The following PRRC2B variants were observed in gnomAD, a reference collection of about 807,000 sequenced individuals.
The protein encoded by PRRC2B is proline rich coiled-coil 2B.
In PRRC2B, 68 loss-of-function variants were observed where a neutral mutation model predicts 242.3. That is an observed-to-expected ratio of 0.28 (90% CI 0.23 to 0.34). The LOEUF (loss-of-function observed/expected upper bound fraction) is 0.34, where lower values mean the gene tolerates loss of function less well. Among genes scored for constraint, PRRC2B ranks in the 10% least tolerant of loss-of-function variants. PRRC2B has a pLI of 1.00. For missense variants in PRRC2B, 2,835 were observed against 2,954.8 expected (o/e 0.96, Z 0.94); for synonymous variants, 1,228 against 1,173.6 (o/e 1.05, Z -0.95).
intron 1 of PRRC2B, among the ~76,000 whole-genome samples, chr9:131,416,022 T>G (rs1215489947): frequency 6.6e-6 from 1 of 152,166 alleles, no homozygotes; most frequent in Non-Finnish European, 1.5e-5. Context: ...CCTTTGATTT[T>G]GGGGGTAGGA....
intron 12 of PRRC2B, among the ~76,000 whole-genome samples, chr9:131,466,909 CTCCT>C (rs1943411980): frequency 6.6e-6 from 1 of 151,938 alleles, no homozygotes; most frequent in Admixed American, 6.6e-5. Context: ...TCATGCCATT[CTCCT>C]GCCTCAGCCT....
At chr9:131,404,436 G>A (rs1212601456) in intron 1 of PRRC2B, among the ~76,000 whole-genome samples, 1 of 151,964 alleles carries the variant, frequency 6.6e-6, no homozygotes, top group Non-Finnish European at 1.5e-5. Flanking sequence ...TGGCCAGGCT[G>A]GTCTCGAACT....
Position 131,474,522 on chromosome 9 carries a change from A to G in PRRC2B, c.2393A>G (p.Glu798Gly). ...GGVSAQRDLF[E>G]ERGEEYLSAF... ...GTAAGTGCTCAGCGCGATCTCTTTGAGGAGAGAGGGGAGGAGTACTTGAGT... is the reference window on the plus strand; with the variant it reads ...GTAAGTGCTCAGCGCGATCTCTTTGGGGAGAGAGGGGAGGAGTACTTGAGT... The change falls in exon 16 of 32, where the codon GAG (glutamate) becomes GGG (glycine). Residue 798 changes from glutamate to glycine, a missense_variant. Transcript: ENST00000683519. 1 of 1,613,902 alleles carries G rather than the reference A, an allele frequency of 6.2e-7. No homozygotes were observed.
Position 131,380,027 on chromosome 9 carries a change from C to G in PRRC2B, c.-56+6296C>G, listed in dbSNP as rs149944198. On this transcript the variant is annotated intron_variant, in intron 1 of 1. Transcript: ENST00000682525. Reference sequence around the variant, plus strand: ...TTTTTTTTTGAGATGGAATCTCACTCTGTCGCCCAGGCTGGAGTGCAGTGG... The same window carrying G: ...TTTTTTTTTGAGATGGAATCTCACTGTGTCGCCCAGGCTGGAGTGCAGTGG... Among the ~76,000 whole-genome samples the G allele has an allele frequency of 1.7e-3, 244 of 146,996 alleles. 8 individuals are homozygous for G. The East Asian group carries it at 0.045, about 27-fold the overall frequency.
chr9:131,479,801 CCTTTT>C (rs374213036), intron 19 of PRRC2B, among the ~76,000 whole-genome samples: 232 of 152,210 alleles, frequency 1.5e-3, no homozygotes, highest in African/African-American at 5.5e-3. Context: ...TGCTGTGCAC[CCTTTT>C]CTTAACATGG....
At position 131,479,497 on chromosome 9, in the gene PRRC2B, A is replaced by C; in HGVS notation, c.4900+104A>C. ...GCTTTTGAGCTACGAATATAGATGG[A>C]ATACAGATGGAGTACCTGTTTGCTG... On this transcript the variant is annotated intron_variant, in intron 19 of 31. Transcript: ENST00000683519. The C allele has an allele frequency of 4.5e-6, 5 of 1,117,672 alleles. No individual in the cohort carries two copies. The South Asian group carries it at 7.6e-5, about 17-fold the overall frequency. The allele number at this position is 1,117,672 out of a possible 1,614,324, so 69.2% of individuals were successfully genotyped here. A position where few individuals can be genotyped will look rare whatever the true frequency, so the allele number is the denominator to read the frequency against.
Position 131,455,205 on chromosome 9 carries a change from C to G in PRRC2B, c.1211+39C>G, listed in dbSNP as rs560609566. On this transcript the variant is annotated intron_variant, in intron 10 of 31. Coordinates refer to ENST00000683519, the MANE Select transcript of PRRC2B (RefSeq NM_013318.4). ...CCTGCCCTATCAGCATGAGTGCATC[C>G]CTGCTTAGTGTTGTTGTGTACCCAG... The G allele has an allele frequency of 4.2e-5, 59 of 1,399,672 alleles. 1 individual carries two copies. The highest frequency in any genetic ancestry group is 3.5e-4 in the African/African-American group (25 of 70,592). The allele number at this position is 1,399,672 out of a possible 1,614,324, so 86.7% of individuals were successfully genotyped here. A position where few individuals can be genotyped will look rare whatever the true frequency, so the allele number is the denominator to read the frequency against.
chr9:131,456,704 G>A (rs771913279), intron 10 of PRRC2B, among the ~76,000 whole-genome samples: 2 of 152,098 alleles, frequency 1.3e-5, no homozygotes, highest in Non-Finnish European at 2.9e-5. Flanking sequence ...TACTCAGGAG[G>A]CTGAGGTGGG....
intron 1 of PRRC2B, among the ~76,000 whole-genome samples, chr9:131,378,287 C>T (rs997826448): frequency 6.4e-5 from 9 of 140,996 alleles, no homozygotes; most frequent in South Asian, 2.2e-4. Context: ...CCAGCCCGGA[C>T]GACAAGAGTG....
intron 9 of PRRC2B, among the ~76,000 whole-genome samples, chr9:131,451,304 C>G (rs933120118): frequency 6.6e-6 from 1 of 151,948 alleles, no homozygotes; most frequent in African/African-American, 2.4e-5. Context: ...GAGGCGGAGG[C>G]AGGAGAATTG....
chr9:131,421,763 G>T (rs894146392), intron 1 of PRRC2B, among the ~76,000 whole-genome samples: 8 of 152,230 alleles, frequency 5.3e-5, no homozygotes, highest in African/African-American at 1.9e-4. Context: ...GAATCTGGCT[G>T]TTGGTGGCAT....
intron 11 of PRRC2B, among the ~76,000 whole-genome samples, chr9:131,461,854 T>G (rs914530625): frequency 1.2e-4 from 18 of 152,228 alleles, no homozygotes; most frequent in African/African-American, 4.3e-4. Context: ...AGGGCTTCTA[T>G]TCCACATTCT....
chr9:131,495,891 C>T lies in PRRC2B; in HGVS notation c.*17C>T. 6.3e-7 allele frequency: 1 copy of T among 1,597,056 alleles called. No individual in the cohort carries two copies. Among genetic ancestry groups the T allele is most frequent in the Non-Finnish European group, 8.6e-7 (1 of 1,167,286 alleles). On this transcript the variant is annotated 3_prime_UTR_variant, in exon 32 of 32. Coordinates refer to ENST00000683519, the MANE Select transcript of PRRC2B (RefSeq NM_013318.4). ...AAGGCCTGACAGTGCCTGGCTGCCA[C>T]CTCGCCTCTCCCTACTGAGGACGGT...
Position 131,474,590 on chromosome 9 carries a change from T to C in PRRC2B, c.2461T>C (p.Ser821Pro), listed in dbSNP as rs996142001. 6.2e-7 allele frequency: 1 copy of C among 1,614,016 alleles called. No homozygotes were observed. The highest frequency in any genetic ancestry group is 8.5e-7 in the Non-Finnish European group (1 of 1,179,906). ...KAQADFDSCI[S>P]SQRIGQELLF... The stretch of plus-strand genomic sequence containing the variant: ...CCAAGCAGACTTTGACAGCTGTATC[T>C]CTTCTCAAAGAATAGGCCAGGAGCT... Residue 821 changes from serine to proline, a missense_variant, in exon 16 of 32, where the codon TCT becomes CCT. Physicochemically the swap from Ser to Pro is moderately conservative, Grantham distance 74 (BLOSUM62 -1). This residue lies in a region of PRRC2B where 1,536 missense variants were observed against 1,483.1 expected (regional missense o/e 1.04). Coordinates refer to ENST00000683519, the MANE Select transcript of PRRC2B (RefSeq NM_013318.4).
chr9:131,402,559 A>G (rs981530248), intron 1 of PRRC2B, among the ~76,000 whole-genome samples: 2 of 152,002 alleles, frequency 1.3e-5, no homozygotes, highest in Admixed American at 1.3e-4. Flanking sequence ...CCCCCAGTGG[A>G]GTGAGTAAAT....
chr9:131,385,326 C>T (rs552583), intron 1 of PRRC2B, among the ~76,000 whole-genome samples: 83,730 of 146,978 alleles, frequency 0.57, 27,780 homozygotes, highest in East Asian at 0.9. Context: ...GGGTAACGAG[C>T]GAAAAACTCC....
intron 10 of PRRC2B, 29 bp downstream of exon 10, chr9:131,455,195 T>TA: frequency 6.8e-7 from 1 of 1,470,036 alleles, no homozygotes; most frequent in South Asian, 1.1e-5. Flanking sequence ...CCTATCAGCA[T>TA]GAGTGCATCC....
intron 11 of PRRC2B, 76 bp from the exon 12 acceptor site, chr9:131,464,687 G>C (rs1943341031): frequency 7.5e-7 from 1 of 1,341,362 alleles, no homozygotes; most frequent in African/African-American, 1.5e-5. Flanking sequence ...GAGGAGAACT[G>C]ATCCCAAAGT....
chr9:131,392,466 C>A (rs143670172), upstream of PRRC2B, among the ~76,000 whole-genome samples: 122 of 152,202 alleles, frequency 8.0e-4, no homozygotes, highest in Middle Eastern at 3.4e-3. Context: ...TGCCTTCTAT[C>A]ATTTTTATTA....
Sources: gnomAD v4.1 joint callset for allele counts (sites outside exome capture counted in the v4.1 genomes callset) on GRCh38, gnomAD v4.1.1 for gene constraint, gnomAD v4.1.1 regional missense constraint, MANE v1.5 for transcripts, NCBI Gene and HGNC (gene_info 2026-07-23, HGNC 2026-07-21) for gene names.